Variants in NARF observed in about 807,000 individuals in gnomAD.
NARF encodes nuclear prelamin A recognition factor, also known as iron-only hydrogenase-like protein 2.
A neutral mutation model predicts 48.0 loss-of-function variants in NARF; 41 were observed. The observed-to-expected ratio is 0.85, with a 90% CI of 0.66 to 1.11. NARF has a LOEUF of 1.11. NARF is among the 50% of genes least tolerant of loss of function. NARF has a pLI of 0.00. For synonymous variants in NARF, 215 were observed against 225.5 expected (o/e 0.95, Z 0.42); for missense variants, 613 against 590.2 (o/e 1.04, Z -0.40).
Position 82,472,592 on chromosome 17 carries a change from A to G in NARF, c.414A>G (p.Ile138Met). The G allele has an allele frequency of 6.2e-7, 1 of 1,613,596 alleles. No individual in the cohort carries two copies. The stretch of plus-strand genomic sequence containing the variant: ...TGCACTATGTATTTGATACGACGAT[A>G]GCTGCGGATTTTAGTATCCTGGAGA... The part of the protein sequence containing the change: ...LGVHYVFDTT[I>M]AADFSILESQ... The change falls in exon 5 of 11, where the codon ATA (isoleucine) becomes ATG (methionine). Residue 138 changes from isoleucine to methionine, a missense_variant. Physicochemically the swap from Ile to Met is conservative, Grantham distance 10 (BLOSUM62 1). Transcript: ENST00000309794.
chr17:82,463,413 G>C (rs2043483323), intron 2 of NARF: 1 of 152,206 alleles, frequency 6.6e-6, no homozygotes, highest in Non-Finnish European at 1.5e-5. Context: ...CATAAGTACA[G>C]ATGGGTGGGG....
At chr17:82,480,557 A>T in intron 6 of NARF, 2 of 405,334 alleles carry the variant, frequency 4.9e-6, no homozygotes, top group East Asian at 3.6e-5. Flanking sequence ...AGAGTTGAAG[A>T]GGGGATGGGA....
intron 7 of NARF, chr17:82,483,294 G>T (rs2044016435): frequency 2.8e-6 from 1 of 351,404 alleles, no homozygotes; most frequent in Non-Finnish European, 5.6e-6. Context: ...ACTCCAGCCT[G>T]GGCGGCGGAG....
intron 2 of NARF, chr17:82,462,602 G>A (rs1567927881): frequency 6.6e-6 from 1 of 152,626 alleles, no homozygotes; most frequent in Non-Finnish European, 1.5e-5. Context: ...TCTACGGTGT[G>A]TGAGTCTGGG....
chr17:82,472,340 C>T (rs2043729374), intron 4 of NARF, among the ~76,000 whole-genome samples: 1 of 151,996 alleles, frequency 6.6e-6, no homozygotes, highest in Non-Finnish European at 1.5e-5. Flanking sequence ...AAAAATTGGC[C>T]AGGCATGATG....
At chr17:82,481,351 GAGGGT>G in intron 7 of NARF, 140 bp downstream of exon 7, 1 of 1,314,922 alleles carries the variant, frequency 7.6e-7, no homozygotes. Flanking sequence ...ACTGACAGCT[GAGGGT>G]CCTAGGGGCT....
intron 2 of NARF, among the ~76,000 whole-genome samples, chr17:82,462,139 G>A (rs1158928492): frequency 2.2e-4 from 33 of 152,230 alleles, no homozygotes; most frequent in Admixed American, 2.1e-3. Context: ...ATGAGATAAC[G>A]TGTGTACACA....
chr17:82,458,973 C>T, intron 1 of NARF, 143 bp downstream of exon 1: 1 of 1,217,922 alleles, frequency 8.2e-7, no homozygotes, highest in Non-Finnish European at 1.0e-6. Context: ...TGGGCCCGCT[C>T]GGCGTGGAGG....
intron 2 of NARF, among the ~76,000 whole-genome samples, chr17:82,461,417 G>C (rs998120223): frequency 6.6e-6 from 1 of 152,156 alleles, no homozygotes; most frequent in African/African-American, 2.4e-5. Context: ...TTCAAGATCA[G>C]CCTGACCAAC....
At chr17:82,466,705 G>A (rs112463270) in intron 3 of NARF, among the ~76,000 whole-genome samples, 3,515 of 152,028 alleles carry the variant, frequency 0.023, 69 homozygotes, top group Middle Eastern at 0.041. Context: ...TGCTCGCCTC[G>A]GCCTCCCAAA....
chr17:82,461,398 G>T (rs1209635462), intron 2 of NARF, among the ~76,000 whole-genome samples: 3 of 152,154 alleles, frequency 2.0e-5, no homozygotes, highest in African/African-American at 4.8e-5. Flanking sequence ...GATTACCTGA[G>T]GTCAGGAGTT....
At chr17:82,460,246 C>T in intron 2 of NARF, 174 bp downstream of exon 2, 2 of 507,088 alleles carry the variant, frequency 3.9e-6, no homozygotes, top group East Asian at 3.5e-5. Context: ...GGACGGATCA[C>T]TTGAGGTCAG....
rs2043391363 is a variant in NARF, at chr17:82,459,913, T to G, written c.28-79T>G. 1.6e-5 allele frequency: 16 copies of G among 1,028,014 alleles called. 1 individual carries two copies. The South Asian group carries it at 2.2e-4, about 14-fold the overall frequency. 63.7% of individuals were successfully genotyped at this position (1,028,014 alleles called of 1,614,324 possible). On this transcript the variant is annotated intron_variant, in intron 1 of 10. Coordinates refer to ENST00000309794, the MANE Select transcript of NARF (RefSeq NM_012336.4). ...AAAGAAAGGATAGAAATACATGAGC[T>G]TCATTGGTCAGAATGTGCACATTTT...
chr17:82,484,966 C>A lies in NARF; in HGVS notation c.971+16C>A. On this transcript the variant is annotated intron_variant, in intron 9 of 10. Transcript: ENST00000309794. Reference sequence around the variant, plus strand: ...GAGCCCTGAGGTGTGGGGCAGTATCCACAGCCTGTCTGTGCCTGTGGTTAG... The same window carrying A: ...GAGCCCTGAGGTGTGGGGCAGTATCAACAGCCTGTCTGTGCCTGTGGTTAG... The A allele has an allele frequency of 6.3e-7, 1 of 1,587,788 alleles. No individual in the cohort carries two copies. Among genetic ancestry groups the A allele is most frequent in the South Asian group, 1.2e-5 (1 of 86,836 alleles).
At chr17:82,459,278 A>G (rs1025886894) in intron 1 of NARF, 3 of 718,610 alleles carry the variant, frequency 4.2e-6, no homozygotes, top group Non-Finnish European at 5.1e-6. Flanking sequence ...TCTCCAGGCC[A>G]TGGCAACAAC....
At chr17:82,487,846 A>G in intron 10 of NARF, 70 bp from the exon 11 acceptor site, 1 of 1,555,654 alleles carries the variant, frequency 6.4e-7, no homozygotes, top group Admixed American at 1.7e-5. Context: ...CTGTAGTTCT[A>G]GCTGCTCAGG....
At position 82,488,197 on chromosome 17, in the gene NARF, C is replaced by T; in HGVS notation, c.*40C>T. 1 of 1,600,216 alleles carries T rather than the reference C, an allele frequency of 6.2e-7. No individual in the cohort carries two copies. Among genetic ancestry groups the T allele is most frequent in the Non-Finnish European group, 8.5e-7 (1 of 1,171,522 alleles). ...CTTCCAGCTGCTCTTGGGGCCAGAG[C>T]CAAGAGCCTCTCAGTAGAGGGAGGG... On this transcript the variant is annotated 3_prime_UTR_variant, in exon 11 of 11. Coordinates refer to ENST00000309794, the MANE Select transcript of NARF (RefSeq NM_012336.4).
At chr17:82,485,766 C>A in intron 10 of NARF, 112 bp downstream of exon 10, 1 of 1,259,736 alleles carries the variant, frequency 7.9e-7, no homozygotes, top group Non-Finnish European at 1.1e-6. Context: ...CTCTCTCAGC[C>A]CTGAGAGCTT....
At chr17:82,468,670 C>A in intron 3 of NARF, 94 bp from the exon 4 acceptor site, 2 of 1,191,304 alleles carry the variant, frequency 1.7e-6, no homozygotes, top group Non-Finnish European at 2.3e-6. Flanking sequence ...CATAGACCAT[C>A]TATTAACGTT....
Sources: gnomAD v4.1 joint callset for allele counts (sites outside exome capture counted in the v4.1 genomes callset) on GRCh38, gnomAD v4.1.1 for gene constraint, MANE v1.5 for transcripts, NCBI Gene and HGNC (gene_info 2026-07-23, HGNC 2026-07-21) for gene names.